KLRG1: variants seen among roughly 807,000 people sequenced by gnomAD.
KLRG1 encodes killer cell lectin-like receptor subfamily G member 1.
A neutral mutation model predicts 21.8 loss-of-function variants in KLRG1; 16 were observed. The observed-to-expected ratio is 0.73, with a 90% CI of 0.50 to 1.11. The LOEUF (loss-of-function observed/expected upper bound fraction) is 1.11. Ranked by LOEUF, KLRG1 falls within the 50% of genes most tolerant of loss-of-function variation. The pLI is 0.00. For missense variants in KLRG1, 173 were observed against 218.3 expected (o/e 0.79, Z 1.31); for synonymous variants, 69 against 75.9 (o/e 0.91, Z 0.47).
chr12:8,951,774 T>A (rs1946209902), intron 1 of KLRG1, among the ~76,000 whole-genome samples: 3 of 152,232 alleles, frequency 2.0e-5, no homozygotes, highest in South Asian at 2.1e-4. Context: ...ATTCAAGTTT[T>A]GATTTCAGAA....
chr12:9,021,827 G>T, the KLRG1 span, among the ~76,000 whole-genome samples: 1 of 152,124 alleles, frequency 6.6e-6, no homozygotes, highest in Admixed American at 6.5e-5. Flanking sequence ...TCGGAAGTAA[G>T]GCATGGAGCT....
chr12:8,950,175 G>C (rs1435584105), exon 1 of KLRG1: 1 of 152,204 alleles, frequency 6.6e-6, no homozygotes, highest in Admixed American at 6.5e-5. Context: ...GTGCAGCGAC[G>C]GGGCCGTGAT....
At chr12:9,156,437 T>C in the KLRG1 span, 1 of 155,138 alleles carries the variant, frequency 6.4e-6, no homozygotes, top group Non-Finnish European at 1.5e-5. Context: ...ATAATTATGA[T>C]GGTAGCTGAA....
At chr12:9,173,540 G>T in the KLRG1 span, among the ~76,000 whole-genome samples, 6 of 151,760 alleles carry the variant, frequency 4.0e-5, no homozygotes, top group Admixed American at 6.6e-5. Flanking sequence ...CCAGGAGCTG[G>T]TTTTTTTGAA....
At chr12:8,962,729 AAAAG>A (rs1395931703) in intron 1 of KLRG1, among the ~76,000 whole-genome samples, 37 of 151,808 alleles carry the variant, frequency 2.4e-4, no homozygotes, top group South Asian at 8.3e-4. Context: ...AAAAAAAAAA[AAAAG>A]AAAGAAAGAA....
the KLRG1 span, chr12:9,161,218 A>G: frequency 4.1e-6 from 4 of 987,162 alleles, no homozygotes; most frequent in African/African-American, 1.7e-5. Context: ...CTCCCTGGAT[A>G]TGGTACTGGC....
At chr12:8,971,076 A>G (rs563549304) in intron 1 of KLRG1, 4 of 152,152 alleles carry the variant, frequency 2.6e-5, no homozygotes, top group African/African-American at 4.8e-5. Context: ...ATTTTTTGTC[A>G]GGTTTGGTAT....
chr12:9,202,249 C>T, the KLRG1 span: 1 of 1,354,062 alleles, frequency 7.4e-7, no homozygotes, highest in Non-Finnish European at 1.1e-6. Context: ...TTTCTTGTAC[C>T]TTTCTACCTC....
At chr12:9,120,962 C>G in the KLRG1 span, among the ~76,000 whole-genome samples, 1 of 150,872 alleles carries the variant, frequency 6.6e-6, no homozygotes, top group Non-Finnish European at 1.5e-5. Flanking sequence ...CTCAGTGCAG[C>G]CTTGAACTCC....
At chr12:9,151,072 T>C in the KLRG1 span, among the ~76,000 whole-genome samples, 1 of 152,226 alleles carries the variant, frequency 6.6e-6, no homozygotes, top group African/African-American at 2.4e-5. Context: ...AACAACGAAG[T>C]ATTCTTTCTG....
At chr12:9,137,200 C>T in the KLRG1 span, among the ~76,000 whole-genome samples, 1 of 152,010 alleles carries the variant, frequency 6.6e-6, no homozygotes, top group African/African-American at 2.4e-5. Flanking sequence ...TGAGTTAATT[C>T]TTGTGTATGG....
the KLRG1 span, chr12:9,157,246 A>G: frequency 1.2e-6 from 2 of 1,614,134 alleles, no homozygotes; most frequent in South Asian, 1.1e-5. Flanking sequence ...CAGTAGGGAA[A>G]AAGCATAGGC....
the KLRG1 span, chr12:9,113,688 G>A: frequency 5.9e-5 from 44 of 745,396 alleles, 1 homozygote; most frequent in South Asian, 7.3e-4. Context: ...GGCCGTTGAA[G>A]GCCATGCATA....
At chr12:9,108,099 GTTTATTTTATTTTATTTTAT>G in the KLRG1 span, among the ~76,000 whole-genome samples, 4 of 148,262 alleles carry the variant, frequency 2.7e-5, no homozygotes, top group African/African-American at 2.5e-5. Flanking sequence ...AGTTTCACTT[GTTTATTTTATTTTATTTTAT>G]TTTATTTTAT....
the KLRG1 span, chr12:9,069,908 G>T: frequency 9.7e-7 from 1 of 1,031,086 alleles, no homozygotes; most frequent in South Asian, 1.3e-5. Context: ...ATAACCCTGA[G>T]GGTAGAATTC....
chr12:9,095,144 T>A, the KLRG1 span: 1 of 867,924 alleles, frequency 1.2e-6, no homozygotes, highest in Non-Finnish European at 1.7e-6. Context: ...CATAGGTAGC[T>A]ACTTCTTTTT....
chr12:9,157,121 C>T, the KLRG1 span: 1 of 1,544,758 alleles, frequency 6.5e-7, no homozygotes, highest in Non-Finnish European at 8.8e-7. Context: ...TGCTGTTCCC[C>T]TCCCTGTGTC....
chr12:9,075,091 T>C, the KLRG1 span, among the ~76,000 whole-genome samples: 1 of 152,244 alleles, frequency 6.6e-6, no homozygotes, highest in Admixed American at 6.5e-5. Flanking sequence ...CTATTTATGA[T>C]GTTATATTAG....
intron 1 of KLRG1, among the ~76,000 whole-genome samples, chr12:8,978,649 T>TTTCTTTCTTTCTTTCC (rs1946699741): frequency 1.1e-5 from 1 of 90,500 alleles, no homozygotes; most frequent in Admixed American, 1.4e-4. Context: ...CTTTTCTTTC[T>TTTCTTTCTTTCTTTCC]TTCTTTCTTT....
Sources: allele counts gnomAD v4.1 joint callset (sites outside exome capture counted in the v4.1 genomes callset), GRCh38; gene constraint gnomAD v4.1.1; transcripts MANE v1.5; gene names NCBI Gene and HGNC (gene_info 2026-07-23, HGNC 2026-07-21).